The following PCDHGA7 variants were observed in gnomAD, a reference collection of about 807,000 sequenced individuals.
The protein encoded by PCDHGA7 is protocadherin gamma-A7.
Under a neutral mutation model 58.3 loss-of-function variants are expected in PCDHGA7, and 44 were observed. The ratio of observed to expected loss-of-function variants is 0.75; its 90% CI spans 0.59 to 0.97. The LOEUF is 0.97. Among genes scored for constraint, PCDHGA7 ranks in the 50% least tolerant of loss-of-function variants. PCDHGA7 has a pLI of 0.00. For missense variants in PCDHGA7, 1,266 were observed against 1,188.7 expected, an observed-to-expected ratio of 1.06 and a Z score of -0.96; for synonymous variants, 516 against 504.2, an observed-to-expected ratio of 1.02 and a Z score of -0.31.
chr5:141,508,800 C>A (rs973992018), intron 3 of PCDHGA7, among the ~76,000 whole-genome samples: 1 of 152,086 alleles, frequency 6.6e-6, no homozygotes, highest in African/African-American at 2.4e-5. Context: ...CTCTGGAATC[C>A]TGGCTCTTTG....
chr5:141,388,922 A>G (rs761599135), intron 1 of PCDHGA7: 1 of 1,614,046 alleles, frequency 6.2e-7, no homozygotes, highest in Non-Finnish European at 8.5e-7. Context: ...CAGAAGTGAT[A>G]TTCCAGTCTC....
chr5:141,410,817 A>T, intron 1 of PCDHGA7: 1 of 524,252 alleles, frequency 1.9e-6, no homozygotes, highest in Non-Finnish European at 3.1e-6. Context: ...TTGTAAAATA[A>T]TGTCACCAGA....
intron 1 of PCDHGA7, among the ~76,000 whole-genome samples, chr5:141,475,253 A>C (rs2099360990): frequency 6.6e-6 from 1 of 152,200 alleles, no homozygotes; most frequent in Non-Finnish European, 1.5e-5. Flanking sequence ...GTGCTCTACA[A>C]CTGAGATCAT....
At chr5:141,482,809 T>C (rs1295469639) in intron 1 of PCDHGA7, among the ~76,000 whole-genome samples, 1 of 152,170 alleles carries the variant, frequency 6.6e-6, no homozygotes, top group Non-Finnish European at 1.5e-5. Flanking sequence ...CGGTGGCTCA[T>C]GCCTGTAATC....
chr5:141,472,486 G>A (rs1300618918), intron 1 of PCDHGA7, among the ~76,000 whole-genome samples: 1 of 152,050 alleles, frequency 6.6e-6, no homozygotes, highest in Non-Finnish European at 1.5e-5. Flanking sequence ...CTTGCAGTGA[G>A]ACGAGATCGT....
rs541159563 is a variant in PCDHGA7, at chr5:141,383,854, G to A, written c.955G>A (p.Val319Ile). 2.3e-5 allele frequency: 37 copies of A among 1,613,942 alleles called. No homozygotes were observed. The South Asian group carries it at 3.4e-4, about 15-fold the overall frequency. ...YEETAFYEME[V>I]QAQDGPGSLT... Reference sequence around the variant, plus strand: ...AGAAACTGCCTTCTATGAAATGGAGGTTCAGGCTCAAGATGGTCCTGGTAG... The same window carrying A: ...AGAAACTGCCTTCTATGAAATGGAGATTCAGGCTCAAGATGGTCCTGGTAG... The change falls in exon 1 of 4, where the codon GTT (valine) becomes ATT (isoleucine). Residue 319 changes from valine to isoleucine, a missense_variant. Transcript: ENST00000518325.
intron 2 of PCDHGA7, among the ~76,000 whole-genome samples, chr5:141,503,824 C>G (rs1216231770): frequency 1.3e-5 from 2 of 152,058 alleles, no homozygotes; most frequent in South Asian, 4.1e-4. Context: ...TTGGGCAAAA[C>G]CAAAAGCAGG....
In PCDHGA7 at chr5:141,490,601, T is replaced by C. The variant is rs777393370; in HGVS notation, c.2425-4206T>C. 1 of 1,614,176 alleles carries C rather than the reference T, an allele frequency of 6.2e-7. No homozygotes were observed. The highest frequency in any genetic ancestry group is 8.5e-7 in the Non-Finnish European group (1 of 1,180,030). ...GATGTCAATGACAATGCACCCCGCTTCAACCAGCAGCTTTACACTGCTTAC... is the reference window on the plus strand; with the variant it reads ...GATGTCAATGACAATGCACCCCGCTCCAACCAGCAGCTTTACACTGCTTAC... On this transcript the variant is annotated intron_variant, in intron 1 of 3. Transcript: ENST00000518325. This position sits in a 1 kb window ranked among gnomAD's most constrained non-coding sequence, Gnocchi z 5.4.
Position 141,384,464 on chromosome 5 carries a change from A to G in PCDHGA7, c.1565A>G (p.Tyr522Cys). 2 of 1,614,112 alleles carry G rather than the reference A, an allele frequency of 1.2e-6. No homozygotes were observed. Among genetic ancestry groups the G allele is most frequent in the Non-Finnish European group, 1.7e-6 (2 of 1,179,944 alleles). Residue 522 changes from tyrosine to cysteine, a missense_variant, in exon 1 of 4, where the codon TAT becomes TGT. Coordinates refer to ENST00000518325, the MANE Select transcript of PCDHGA7 (RefSeq NM_018920.4). ...CTGTACGCGCTGCAATCCTTTGATT[A>G]TGAGCAGTTGAGAGAACTACAACTA... is the stretch of plus-strand genomic sequence containing the variant. Reference protein sequence around the residue: ...GVLYALQSFDYEQLRELQLRV... With the variant: ...GVLYALQSFDCEQLRELQLRV...
At chr5:141,482,033 C>G (rs1185284483) in intron 1 of PCDHGA7, among the ~76,000 whole-genome samples, 1 of 149,194 alleles carries the variant, frequency 6.7e-6, no homozygotes, top group African/African-American at 2.5e-5. Flanking sequence ...TGCAGTGAGC[C>G]AAGATCATGC....
Position 141,383,335 on chromosome 5 carries a change from A to C in PCDHGA7, c.436A>C (p.Thr146Pro), listed in dbSNP as rs768493481. Residue 146 changes from threonine (T) to proline (P), a missense_variant, in exon 1 of 4, where the codon ACA becomes CCA. By Grantham distance (38) the Thr-to-Pro change is conservative. Coordinates refer to ENST00000518325, the MANE Select transcript of PCDHGA7 (RefSeq NM_018920.4). Reference protein sequence around the residue: ...EEINVKIMENTAPGVRFPLSE... With the variant: ...EEINVKIMENPAPGVRFPLSE... ...AATAAATGTAAAAATAATGGAGAAT[A>C]CAGCTCCTGGGGTTCGGTTTCCGTT... The C allele has an allele frequency of 2.6e-5, 42 of 1,613,892 alleles. No individual in the cohort carries two copies. Among genetic ancestry groups the C allele is most frequent in the Non-Finnish European group, 3.4e-5 (40 of 1,179,896 alleles).
intron 1 of PCDHGA7, among the ~76,000 whole-genome samples, chr5:141,387,411 G>A (rs2090933954): frequency 1.3e-5 from 2 of 152,196 alleles, no homozygotes; most frequent in Admixed American, 6.5e-5. Flanking sequence ...ATTGGGGAAA[G>A]CTTATGTCAA....
rs1188870363 is a variant in PCDHGA7 at position 141,490,058 on chromosome 5, C to T, written c.2425-4749C>T. ...AATGCCACTGATCCAGACGAGGGCA[C>T]CAACGGCCAACTAGACTATTCTTTT... On this transcript the variant is annotated intron_variant, in intron 1 of 3. Coordinates refer to ENST00000518325, the MANE Select transcript of PCDHGA7 (RefSeq NM_018920.4). The surrounding 1 kb of genome is among the most constrained non-coding windows in gnomAD (Gnocchi z 5.4). The T allele has an allele frequency of 6.2e-7, 1 of 1,614,230 alleles. No individual in the cohort carries two copies. Among genetic ancestry groups the T allele is most frequent in the South Asian group, 1.1e-5 (1 of 91,084 alleles).
intron 1 of PCDHGA7, chr5:141,417,858 C>T (rs561149517): frequency 6.5e-7 from 1 of 1,547,240 alleles, no homozygotes. Flanking sequence ...CCCGAGCGAA[C>T]GATGGGAGGG....
intron 1 of PCDHGA7, among the ~76,000 whole-genome samples, chr5:141,469,923 G>A (rs1251812588): frequency 1.3e-5 from 2 of 152,200 alleles, no homozygotes; most frequent in Non-Finnish European, 2.9e-5. Flanking sequence ...CCGAGGTCAG[G>A]AGTTTGAGAC....
chr5:141,485,797 C>T lies in PCDHGA7; in HGVS notation c.2425-9010C>T. 1 of 1,614,228 alleles carries T rather than the reference C, an allele frequency of 6.2e-7. No homozygotes were observed. Among genetic ancestry groups the T allele is most frequent in the South Asian group, 1.1e-5 (1 of 91,092 alleles). On this transcript the variant is annotated intron_variant, in intron 1 of 3. Coordinates refer to ENST00000518325, the MANE Select transcript of PCDHGA7 (RefSeq NM_018920.4). This position sits in a 1 kb window ranked among gnomAD's most constrained non-coding sequence, Gnocchi z 5.7. ...TGGATCGAGAGAAGCAATCGGACTACCGCCTGGTGCTGACTGCTGTCGATG... is the reference window on the plus strand; with the variant it reads ...TGGATCGAGAGAAGCAATCGGACTATCGCCTGGTGCTGACTGCTGTCGATG...
At chr5:141,407,963 G>T (rs2095010709) in intron 1 of PCDHGA7, 1 of 681,746 alleles carries the variant, frequency 1.5e-6, no homozygotes, top group Admixed American at 3.5e-5. Context: ...TGCAGAGCAA[G>T]CGCTGACGCC....
At chr5:141,388,492 A>G (rs2091380241) in intron 1 of PCDHGA7, 7 of 1,613,742 alleles carry the variant, frequency 4.3e-6, no homozygotes, top group South Asian at 1.1e-5. Flanking sequence ...TTGGACAGAG[A>G]AAAGCAGAAA....
intron 1 of PCDHGA7, among the ~76,000 whole-genome samples, chr5:141,424,944 A>G (rs958272371): frequency 2.6e-5 from 4 of 152,108 alleles, no homozygotes; most frequent in African/African-American, 9.7e-5. Context: ...CTCTCACATC[A>G]CTTCTAGGTA....
Sources: allele counts gnomAD v4.1 joint callset (sites outside exome capture counted in the v4.1 genomes callset), GRCh38; gene constraint gnomAD v4.1.1; non-coding constraint Gnocchi (gnomAD v3.1); transcripts MANE v1.5; gene names NCBI Gene and HGNC (gene_info 2026-07-23, HGNC 2026-07-21).